The following SRGAP1 variants were observed in gnomAD, a reference collection of about 807,000 sequenced individuals.
SRGAP1 encodes the protein SLIT-ROBO Rho GTPase-activating protein 1.
Under a neutral mutation model 121.9 loss-of-function variants are expected in SRGAP1, and 43 were observed. That is an observed-to-expected ratio of 0.35 (90% CI 0.28 to 0.46). The LOEUF (loss-of-function observed/expected upper bound fraction) is 0.46. SRGAP1 is among the 20% of genes least tolerant of loss of function. The pLI, the probability that SRGAP1 is intolerant of heterozygous loss-of-function variation, is 1.00. For synonymous variants in SRGAP1, 447 were observed against 485.4 expected, an observed-to-expected ratio of 0.92 and a Z score of 1.04; for missense variants, 1,102 against 1,350.9, an observed-to-expected ratio of 0.82 and a Z score of 2.89.
intron 1 of SRGAP1, among the ~76,000 whole-genome samples, chr12:63,889,949 G>A (rs1001904757): frequency 6.6e-6 from 1 of 151,954 alleles, no homozygotes; most frequent in African/African-American, 2.4e-5. Flanking sequence ...TGGTTATTTA[G>A]TATTTATTTA....
At chr12:64,046,499 C>T (rs1002894209) in intron 6 of SRGAP1, among the ~76,000 whole-genome samples, 1 of 152,206 alleles carries the variant, frequency 6.6e-6, no homozygotes, top group South Asian at 2.1e-4. Flanking sequence ...GATAGACCTA[C>T]ACAAGTGGTA....
chr12:63,949,568 C>CATGT (rs1235524775), intron 1 of SRGAP1, among the ~76,000 whole-genome samples: 1 of 151,780 alleles, frequency 6.6e-6, no homozygotes, highest in African/African-American at 2.4e-5. Flanking sequence ...GCTGGGACTA[C>CATGT]AGGCGCCTGC....
intron 4 of SRGAP1, chr12:64,032,503 A>G (rs1039027814): frequency 8.5e-7 from 1 of 1,172,206 alleles, no homozygotes; most frequent in Admixed American, 1.8e-5. Flanking sequence ...TCCAGCAGCC[A>G]GGCATGGAGC....
At chr12:64,093,389 C>T (rs887711433) in intron 12 of SRGAP1, among the ~76,000 whole-genome samples, 4 of 151,790 alleles carry the variant, frequency 2.6e-5, no homozygotes, top group East Asian at 1.9e-4. Context: ...ATATGAAAAC[C>T]GAAGACATTT....
At chr12:63,945,243 C>T (rs937562520) in intron 1 of SRGAP1, among the ~76,000 whole-genome samples, 7 of 151,888 alleles carry the variant, frequency 4.6e-5, no homozygotes, top group Non-Finnish European at 7.4e-5. Context: ...TGTCTTTCTC[C>T]CTTCCTCTTT....
chr12:63,999,577 G>C (rs942046160), intron 3 of SRGAP1, among the ~76,000 whole-genome samples: 2 of 152,144 alleles, frequency 1.3e-5, no homozygotes, highest in African/African-American at 2.4e-5. Flanking sequence ...GAGATGTAGA[G>C]GGAGCAGTCA....
Position 64,152,870 on chromosome 12 carries a change from C to T in SRGAP1, c.*10198C>T, listed in dbSNP as rs1355562898. The T allele has an allele frequency of 2.9e-5, 4 of 136,844 alleles. No individual in the cohort carries two copies. The highest frequency in any genetic ancestry group is 2.3e-4 in the South Asian group (1 of 4,306). The allele number at this position is 136,844 out of a possible 1,614,324, so 8.5% of individuals were successfully genotyped here. ...GGGATCTAGCTGTGAATGAGACACA[C>T]AGGGCTCCTGGTCTCATGGAGTGTA... is the stretch of plus-strand genomic sequence containing the variant. On this transcript the variant is annotated 3_prime_UTR_variant, in exon 22 of 22. Coordinates refer to ENST00000355086, the MANE Select transcript of SRGAP1 (RefSeq NM_020762.4).
At chr12:64,082,001 C>CTTTTTTTTTTTTTTTTT in intron 10 of SRGAP1, 33 of 66,136 alleles carry the variant, frequency 5.0e-4, no homozygotes, top group East Asian at 1.1e-3. Context: ...CATGTAAGGT[C>CTTTTTTTTTTTTTTTTT]TTTTTTTTTT....
chr12:64,095,167 G>A lies in SRGAP1; in HGVS notation c.1641G>A (p.Gln547=). The change falls in exon 14 of 22, where the codon CAG becomes CAA. Residue 547 remains glutamine (Q), a synonymous_variant. Coordinates refer to ENST00000355086, the MANE Select transcript of SRGAP1 (RefSeq NM_020762.4). ...GGATTTTCAGAGTGTCTGGTTCCCA[G>A]GTGGAAGTCAATGATATTAAAAATT... ...HQGIFRVSGS[Q]VEVNDIKNSF... 2 of 1,614,104 alleles carry A rather than the reference G, an allele frequency of 1.2e-6. No individual in the cohort carries two copies. Among genetic ancestry groups the A allele is most frequent in the Non-Finnish European group, 8.5e-7 (1 of 1,180,010 alleles).
chr12:63,878,302 A>G (rs573460022), intron 1 of SRGAP1, among the ~76,000 whole-genome samples: 1 of 152,318 alleles, frequency 6.6e-6, no homozygotes, highest in African/African-American at 2.4e-5. Flanking sequence ...TCTCTATTGT[A>G]CCATTGTAGC....
At chr12:63,908,038 T>G (rs1355470139) in intron 1 of SRGAP1, among the ~76,000 whole-genome samples, 1 of 152,232 alleles carries the variant, frequency 6.6e-6, no homozygotes, top group Non-Finnish European at 1.5e-5. Context: ...TTCTGGACTT[T>G]TAATTCTGTT....
chr12:63,910,725 G>T (rs184935166), intron 1 of SRGAP1, among the ~76,000 whole-genome samples: 1 of 152,258 alleles, frequency 6.6e-6, no homozygotes, highest in Admixed American at 6.5e-5. Flanking sequence ...GTGGTTATAG[G>T]TACACCATAA....
rs531482745 is a variant in SRGAP1 at position 64,100,554 on chromosome 12, A to G, written c.1813+3179A>G. Among the ~76,000 whole-genome samples, 4 of 152,288 alleles carry G rather than the reference A, an allele frequency of 2.6e-5. 1 individual carries two copies. In the South Asian group the frequency reaches 8.3e-4, roughly 32 times the overall value. Reference sequence around the variant, plus strand: ...TCCTTGGATTTTAATAGGATTGTTAATGTTTTCATTAGTGCAGTAGTTACA... The same window carrying G: ...TCCTTGGATTTTAATAGGATTGTTAGTGTTTTCATTAGTGCAGTAGTTACA... On this transcript the variant is annotated intron_variant, in intron 15 of 21. Coordinates refer to ENST00000355086, the MANE Select transcript of SRGAP1 (RefSeq NM_020762.4).
intron 12 of SRGAP1, among the ~76,000 whole-genome samples, chr12:64,094,445 T>C (rs1221737187): frequency 6.6e-6 from 1 of 152,220 alleles, no homozygotes; most frequent in African/African-American, 2.4e-5. Flanking sequence ...ATACATGTTT[T>C]AATTATCTCT....
chr12:64,023,788 C>T (rs1371965841), intron 4 of SRGAP1, among the ~76,000 whole-genome samples: 1 of 152,168 alleles, frequency 6.6e-6, no homozygotes, highest in Non-Finnish European at 1.5e-5. Flanking sequence ...CACATTATCC[C>T]ATTTATTTCC....
At chr12:63,879,007 A>T (rs758046860) in intron 1 of SRGAP1, 8 of 151,046 alleles carry the variant, frequency 5.3e-5, no homozygotes, top group Non-Finnish European at 4.4e-5. Context: ...GTTAATTTAC[A>T]TTTTTTTTTC....
chr12:64,085,467 G>A (rs2035920268), intron 10 of SRGAP1, among the ~76,000 whole-genome samples: 1 of 152,078 alleles, frequency 6.6e-6, no homozygotes, highest in Non-Finnish European at 1.5e-5. Context: ...CTCACACTGG[G>A]TGATCTTACG....
chr12:64,071,879 C>CA (rs55972451), intron 8 of SRGAP1, among the ~76,000 whole-genome samples: 24 of 147,572 alleles, frequency 1.6e-4, no homozygotes, highest in Admixed American at 1.1e-3. Flanking sequence ...CACCCCCCCC[C>CA]AAAAAAAAAA....
At chr12:64,091,409 C>A in intron 12 of SRGAP1, 31 bp downstream of exon 12, 1 of 1,498,366 alleles carries the variant, frequency 6.7e-7, no homozygotes, top group Non-Finnish European at 9.2e-7. Flanking sequence ...GGTGGCTGAT[C>A]TCCATGCTTC....
Sources: allele counts gnomAD v4.1 joint callset (sites outside exome capture counted in the v4.1 genomes callset), GRCh38; gene constraint gnomAD v4.1.1; transcripts MANE v1.5; gene names NCBI Gene and HGNC (gene_info 2026-07-23, HGNC 2026-07-21).